The following KCNMB2 variants were observed in gnomAD, a reference collection of about 807,000 sequenced individuals.
KCNMB2 encodes the protein potassium calcium-activated channel subfamily M regulatory beta subunit 2, also known as calcium-activated potassium channel subunit beta-2.
Under a neutral mutation model 24.5 loss-of-function variants are expected in KCNMB2, and 9 were observed. That is an observed-to-expected ratio of 0.37 (90% CI 0.22 to 0.64). The LOEUF is 0.64. Ranked by LOEUF, KCNMB2 falls within the 30% of genes least tolerant of loss-of-function variation. The probability of loss-of-function intolerance (pLI) is 0.63; values close to 1 mark genes in which losing one functional copy is unlikely to be tolerated. For synonymous variants in KCNMB2, 109 were observed against 104.4 expected, an observed-to-expected ratio of 1.04 and a Z score of -0.27; for missense variants, 226 against 284.3, an observed-to-expected ratio of 0.79 and a Z score of 1.47.
intron 1 of KCNMB2, among the ~76,000 whole-genome samples, chr3:178,737,749 C>T (rs954850712): frequency 6.6e-6 from 1 of 152,122 alleles, no homozygotes; most frequent in African/African-American, 2.4e-5. Flanking sequence ...CTTAAGAGAG[C>T]TACACATAAA....
intron 1 of KCNMB2, among the ~76,000 whole-genome samples, chr3:178,652,809 T>C (rs1043213756): frequency 6.6e-6 from 1 of 151,522 alleles, no homozygotes; most frequent in African/African-American, 2.4e-5. Flanking sequence ...ATTACAAGCA[T>C]GTGCCACCAC....
At chr3:178,712,319 C>A (rs1317776523) in intron 1 of KCNMB2, among the ~76,000 whole-genome samples, 1 of 152,142 alleles carries the variant, frequency 6.6e-6, no homozygotes, top group Non-Finnish European at 1.5e-5. Flanking sequence ...ATACCTATCC[C>A]AAGATATTCC....
At chr3:178,798,068 A>C (rs1351741826) in intron 1 of KCNMB2, among the ~76,000 whole-genome samples, 2 of 152,202 alleles carry the variant, frequency 1.3e-5, no homozygotes, top group Non-Finnish European at 2.9e-5. Context: ...ATATAGGATC[A>C]TGTCATGTGC....
chr3:178,738,899 G>A (rs1003624110), intron 1 of KCNMB2, among the ~76,000 whole-genome samples: 4 of 151,916 alleles, frequency 2.6e-5, no homozygotes, highest in African/African-American at 9.7e-5. Flanking sequence ...CAGAGACTAC[G>A]TCTAGTCCAT....
chr3:178,666,359 A>G (rs1302490844), intron 1 of KCNMB2, among the ~76,000 whole-genome samples: 1 of 152,136 alleles, frequency 6.6e-6, no homozygotes, highest in Non-Finnish European at 1.5e-5. Context: ...CCATGAATAC[A>G]CTTGGTAAAA....
chr3:178,770,319 T>G (rs1712292006), intron 1 of KCNMB2, among the ~76,000 whole-genome samples: 1 of 152,192 alleles, frequency 6.6e-6, no homozygotes, highest in Non-Finnish European at 1.5e-5. Flanking sequence ...CTACAGGAAT[T>G]TGACAGCAAT....
intron 1 of KCNMB2, among the ~76,000 whole-genome samples, chr3:178,784,296 T>C (rs778404416): frequency 5.9e-5 from 9 of 152,152 alleles, no homozygotes; most frequent in Non-Finnish European, 1.2e-4. Flanking sequence ...ATAAGGACAT[T>C]GAGATTCAGA....
chr3:178,771,630 G>A (rs1712370010), intron 1 of KCNMB2, among the ~76,000 whole-genome samples: 1 of 151,728 alleles, frequency 6.6e-6, no homozygotes, highest in Admixed American at 6.6e-5. Flanking sequence ...TTACAGGCAT[G>A]AGCCATGGCA....
At chr3:178,657,495 C>T (rs1425029976) in intron 1 of KCNMB2, among the ~76,000 whole-genome samples, 2 of 152,160 alleles carry the variant, frequency 1.3e-5, no homozygotes, top group Non-Finnish European at 2.9e-5. Context: ...GATAGTTACA[C>T]CTACCTCAAA....
At chr3:178,724,452 T>C (rs553701842) in intron 1 of KCNMB2, among the ~76,000 whole-genome samples, 7 of 152,246 alleles carry the variant, frequency 4.6e-5, no homozygotes, top group African/African-American at 1.7e-4. Context: ...ATTCTCTAGG[T>C]TACCTGCTTT....
intron 1 of KCNMB2, among the ~76,000 whole-genome samples, chr3:178,549,745 C>G (rs1409578245): frequency 6.6e-6 from 1 of 152,124 alleles, no homozygotes; most frequent in African/African-American, 2.4e-5. Context: ...TAACAACACT[C>G]ATTGTCTCTT....
chr3:178,615,753 T>C (rs537689158), intron 1 of KCNMB2, among the ~76,000 whole-genome samples: 51 of 152,340 alleles, frequency 3.3e-4, no homozygotes, highest in African/African-American at 1.1e-3. Flanking sequence ...AAAAGCCCAC[T>C]TGATGCTCTG....
At chr3:178,750,399 A>G (rs908843177) in intron 1 of KCNMB2, among the ~76,000 whole-genome samples, 1 of 152,152 alleles carries the variant, frequency 6.6e-6, no homozygotes, top group East Asian at 1.9e-4. Context: ...AAACAAAAAC[A>G]AAAACAAAAC....
intron 1 of KCNMB2, among the ~76,000 whole-genome samples, chr3:178,716,267 A>G (rs1468614300): frequency 1.3e-5 from 2 of 152,202 alleles, no homozygotes; most frequent in African/African-American, 2.4e-5. Context: ...AGAGTTTGCA[A>G]TACGTCAGGG....
At chr3:178,593,660 T>C (rs1717761526) in intron 1 of KCNMB2, among the ~76,000 whole-genome samples, 1 of 151,832 alleles carries the variant, frequency 6.6e-6, no homozygotes, top group Non-Finnish European at 1.5e-5. Context: ...TTCCACTTCC[T>C]GGAATGACCT....
rs191939818 is a variant in KCNMB2 at position 178,796,701 on chromosome 3, A to G, written c.-67-10642A>G. 7.7e-3 allele frequency among the ~76,000 whole-genome samples: 1,172 copies of G among 152,296 alleles called. 6 individuals carry two copies. Among genetic ancestry groups the G allele is most frequent in the Non-Finnish European group, 0.011 (750 of 68,008 alleles). On this transcript the variant is annotated intron_variant, in intron 1 of 4. Transcript: ENST00000452583. The stretch of plus-strand genomic sequence containing the variant: ...AGAAGGAAATTAAAATTTTATTGAA[A>G]TAAAAATGGAAATACAACATAGCAA...
chr3:178,608,066 AATT>A (rs1718343177), intron 1 of KCNMB2, among the ~76,000 whole-genome samples: 2 of 152,216 alleles, frequency 1.3e-5, no homozygotes, highest in South Asian at 4.1e-4. Context: ...GAGGAAGTAA[AATT>A]ATAGTCACAG....
At chr3:178,826,445 C>A (rs768833151) in intron 3 of KCNMB2, among the ~76,000 whole-genome samples, 2 of 152,176 alleles carry the variant, frequency 1.3e-5, no homozygotes, top group Non-Finnish European at 2.9e-5. Flanking sequence ...CTTTTCATTT[C>A]AATATTTGCT....
intron 1 of KCNMB2, among the ~76,000 whole-genome samples, chr3:178,691,925 G>T (rs1420079091): frequency 1.3e-5 from 2 of 151,826 alleles, no homozygotes; most frequent in African/African-American, 2.4e-5. Context: ...GTTATTTTTT[G>T]ACTTTTTAAT....
Sources: gnomAD v4.1 joint callset for allele counts (sites outside exome capture counted in the v4.1 genomes callset) on GRCh38, gnomAD v4.1.1 for gene constraint, MANE v1.5 for transcripts, NCBI Gene and HGNC (gene_info 2026-07-23, HGNC 2026-07-21) for gene names.